LINGO2: variants seen among roughly 807,000 people sequenced by gnomAD.
The protein encoded by LINGO2 is leucine rich repeat and Ig domain containing 2.
Under a neutral mutation model 30.6 loss-of-function variants are expected in LINGO2, and 14 were observed. That is an observed-to-expected ratio of 0.46 (90% CI 0.30 to 0.72). The LOEUF (loss-of-function observed/expected upper bound fraction) is 0.72. Ranked by LOEUF, LINGO2 falls within the 30% of genes least tolerant of loss-of-function variation. The pLI is 0.07. For missense variants in LINGO2, 729 were observed against 751.7 expected (o/e 0.97, Z 0.35); for synonymous variants, 317 against 288.5 (o/e 1.10, Z -1.00).
chr9:27,979,296 C>A (rs1358369379), intron 5 of LINGO2, among the ~76,000 whole-genome samples: 1 of 151,898 alleles, frequency 6.6e-6, no homozygotes, highest in Non-Finnish European at 1.5e-5. Flanking sequence ...TCTTACTGGT[C>A]CTCAGTTACT....
intron 3 of LINGO2, among the ~76,000 whole-genome samples, chr9:28,335,824 A>G (rs768056942): frequency 3.9e-5 from 6 of 152,168 alleles, no homozygotes; most frequent in Non-Finnish European, 7.4e-5. Flanking sequence ...AGTTTATTTA[A>G]CTATTCATCC....
chr9:28,503,611 G>C (rs2135325894), intron 1 of LINGO2, among the ~76,000 whole-genome samples: 1 of 152,034 alleles, frequency 6.6e-6, no homozygotes, highest in Non-Finnish European at 1.5e-5. Flanking sequence ...GTTTTCCATA[G>C]AGTAAAACTT....
intron 4 of LINGO2, among the ~76,000 whole-genome samples, chr9:28,293,761 C>T (rs538932911): frequency 6.6e-6 from 1 of 152,162 alleles, no homozygotes; most frequent in South Asian, 2.1e-4. Context: ...GTGGTAAATT[C>T]TGAAATAAAA....
At chr9:28,653,534 A>G (rs1219882729) in intron 1 of LINGO2, among the ~76,000 whole-genome samples, 1 of 152,158 alleles carries the variant, frequency 6.6e-6, no homozygotes, top group Non-Finnish European at 1.5e-5. Flanking sequence ...CAAAAATTTA[A>G]TCAACCAGTA....
chr9:28,073,772 A>C (rs1825547759), intron 4 of LINGO2, among the ~76,000 whole-genome samples: 1 of 152,160 alleles, frequency 6.6e-6, no homozygotes, highest in African/African-American at 2.4e-5. Context: ...TCATGCTTAT[A>C]ATCCCAGCCC....
At chr9:29,017,405 C>T in the LINGO2 span, among the ~76,000 whole-genome samples, 2 of 152,054 alleles carry the variant, frequency 1.3e-5, no homozygotes, top group African/African-American at 4.8e-5. Context: ...AAACAATTTT[C>T]AATGCTTTTC....
chr9:29,017,201 C>G, the LINGO2 span, among the ~76,000 whole-genome samples: 1 of 151,724 alleles, frequency 6.6e-6, no homozygotes, highest in African/African-American at 2.4e-5. Flanking sequence ...TCTGAGTTGC[C>G]TTATATATAG....
At chr9:29,172,298 T>C in the LINGO2 span, among the ~76,000 whole-genome samples, 2 of 151,348 alleles carry the variant, frequency 1.3e-5, no homozygotes, top group East Asian at 3.9e-4. Flanking sequence ...CTTATGTTAA[T>C]ATGAACCTAC....
At chr9:28,620,451 C>A (rs1826339333) in intron 1 of LINGO2, among the ~76,000 whole-genome samples, 1 of 152,048 alleles carries the variant, frequency 6.6e-6, no homozygotes, top group South Asian at 2.1e-4. Flanking sequence ...CAGATCATCA[C>A]TCAGATCTAA....
the LINGO2 span, among the ~76,000 whole-genome samples, chr9:29,184,464 G>A: frequency 6.6e-6 from 1 of 152,008 alleles, no homozygotes; most frequent in Non-Finnish European, 1.5e-5. Context: ...AGAAGTAGAG[G>A]GGAGGATGCT....
chr9:28,383,667 T>A (rs988574058), intron 2 of LINGO2, among the ~76,000 whole-genome samples: 75 of 152,166 alleles, frequency 4.9e-4, no homozygotes, highest in African/African-American at 1.7e-3. Flanking sequence ...TAATACTGAA[T>A]GTTGATTTAT....
the LINGO2 span, among the ~76,000 whole-genome samples, chr9:28,920,177 TG>T: frequency 6.6e-6 from 1 of 152,006 alleles, no homozygotes; most frequent in Admixed American, 6.6e-5. Flanking sequence ...TCTACACAGG[TG>T]GTTACAGAAA....
intron 1 of LINGO2, among the ~76,000 whole-genome samples, chr9:28,481,990 A>G (rs573802981): frequency 1.1e-4 from 16 of 152,260 alleles, no homozygotes; most frequent in African/African-American, 2.6e-4. Context: ...TCCATGGTGT[A>G]TATGTGTCAC....
chr9:28,844,151 C>T, the LINGO2 span, among the ~76,000 whole-genome samples: 1 of 151,800 alleles, frequency 6.6e-6, no homozygotes, highest in Admixed American at 6.6e-5. Flanking sequence ...CACCTGAGAT[C>T]AGGAGTTCGA....
intron 2 of LINGO2, among the ~76,000 whole-genome samples, chr9:28,374,492 C>T (rs1028956437): frequency 2.0e-5 from 3 of 151,742 alleles, no homozygotes; most frequent in African/African-American, 4.8e-5. Context: ...AACACAAGGC[C>T]GATCACTGAA....
chr9:28,840,310 C>A, the LINGO2 span, among the ~76,000 whole-genome samples: 68 of 152,034 alleles, frequency 4.5e-4, 1 homozygote, highest in African/African-American at 1.5e-3. Flanking sequence ...ACCTCCCCTG[C>A]TGCAGCCGGC....
intron 1 of LINGO2, among the ~76,000 whole-genome samples, chr9:28,508,479 T>C (rs1820240794): frequency 6.6e-6 from 1 of 152,086 alleles, no homozygotes; most frequent in Admixed American, 6.6e-5. Context: ...TTTCTCACCT[T>C]CTCTCTTTTT....
At chr9:28,990,816 T>G in the LINGO2 span, among the ~76,000 whole-genome samples, 2 of 151,958 alleles carry the variant, frequency 1.3e-5, no homozygotes, top group Non-Finnish European at 2.9e-5. Flanking sequence ...GAAGGAAAAC[T>G]AACAAAAAGA....
chr9:28,638,858 C>A (rs7033334), intron 1 of LINGO2, among the ~76,000 whole-genome samples: 40,674 of 151,870 alleles, frequency 0.27, 7,251 homozygotes, highest in African/African-American at 0.49. Context: ...TTGCCTTCTG[C>A]TAGCTTTTGA....
Sources: allele counts gnomAD v4.1 joint callset (sites outside exome capture counted in the v4.1 genomes callset), GRCh38; gene constraint gnomAD v4.1.1; transcripts MANE v1.5; gene names NCBI Gene and HGNC (gene_info 2026-07-23, HGNC 2026-07-21).